The following SVOPL variants were observed in gnomAD, a reference collection of about 807,000 sequenced individuals.
SVOPL encodes putative transporter SVOPL.
In SVOPL, 60 loss-of-function variants were observed where a neutral mutation model predicts 61.0. That is an observed-to-expected ratio of 0.98 (90% CI 0.80 to 1.22). SVOPL has a LOEUF of 1.22. Among genes scored for constraint, SVOPL ranks in the 50% most tolerant of loss-of-function variants. SVOPL has a pLI of 0.00. For synonymous variants in SVOPL, 279 were observed against 250.0 expected, an observed-to-expected ratio of 1.12 and a Z score of -1.09; for missense variants, 662 against 643.9, an observed-to-expected ratio of 1.03 and a Z score of -0.30.
chr7:138,622,567 A>G (rs1799722061), intron 13 of SVOPL, among the ~76,000 whole-genome samples: 1 of 152,132 alleles, frequency 6.6e-6, no homozygotes, highest in African/African-American at 2.4e-5. Context: ...TCAGCCTCCC[A>G]AAGTGTGGGG....
intron 5 of SVOPL, chr7:138,662,391 GCCCCAA>G (rs1293487416): frequency 2.0e-6 from 2 of 985,272 alleles, no homozygotes; most frequent in African/African-American, 3.5e-5. Context: ...GAGTTTTCTT[GCCCCAA>G]AATTAAGGGA....
rs138174501 is a variant in SVOPL, at chr7:138,656,482, G to T, written c.500C>A (p.Thr167Lys). The T allele has an allele frequency of 3.1e-6, 5 of 1,613,828 alleles. No homozygotes were observed. Among genetic ancestry groups the T allele is most frequent in the Non-Finnish European group, 4.2e-6 (5 of 1,179,976 alleles). Reference sequence around the variant, plus strand: ...GGGTAACATATAGCCTCGGTATTTCGTGGGCAAAAATTCAGTCTTTATGAT... The same window carrying T: ...GGGTAACATATAGCCTCGGTATTTCTTGGGCAAAAATTCAGTCTTTATGAT... Reference protein sequence around the residue: ...GLIIKTEFLPTKYRGYMLPLS... With the variant: ...GLIIKTEFLPKKYRGYMLPLS... The change falls in exon 7 of 16, where the codon ACG becomes AAG. Residue 167 changes from threonine to lysine, a missense_variant. Physicochemically the swap from Thr to Lys is moderately conservative, Grantham distance 78. Coordinates refer to ENST00000674285, the MANE Select transcript of SVOPL (RefSeq NM_001139456.2).
At chr7:138,597,543 T>A (rs1798329093) in intron 14 of SVOPL, among the ~76,000 whole-genome samples, 1 of 150,240 alleles carries the variant, frequency 6.7e-6, no homozygotes, top group Non-Finnish European at 1.5e-5. Context: ...TCTCACTAAT[T>A]ATTTTGCAAT....
chr7:138,649,583 C>T (rs1381727580), intron 7 of SVOPL, among the ~76,000 whole-genome samples: 1 of 152,072 alleles, frequency 6.6e-6, no homozygotes, highest in African/African-American at 2.4e-5. Context: ...AGGTGTGAGC[C>T]GCTGAGCCTA....
At chr7:138,610,845 C>G (rs1275272730) in intron 14 of SVOPL, among the ~76,000 whole-genome samples, 1 of 152,204 alleles carries the variant, frequency 6.6e-6, no homozygotes, top group African/African-American at 2.4e-5. Flanking sequence ...CCCCAGGTTC[C>G]CAGCCTTGAC....
At chr7:138,692,964 C>T (rs567042493) in intron 1 of SVOPL, among the ~76,000 whole-genome samples, 1 of 152,200 alleles carries the variant, frequency 6.6e-6, no homozygotes, top group South Asian at 2.1e-4. Flanking sequence ...AATCAACATG[C>T]TAACTAAAGT....
chr7:138,609,489 CAAAAAAA>C (rs35516590), intron 14 of SVOPL, among the ~76,000 whole-genome samples: 13 of 48,336 alleles, frequency 2.7e-4, no homozygotes, highest in South Asian at 5.7e-4. Flanking sequence ...ACCACCTCTA[CAAAAAAA>C]AAAAAAAAAA....
At chr7:138,699,104 A>G (rs1803134327) in intron 1 of SVOPL, among the ~76,000 whole-genome samples, 1 of 152,160 alleles carries the variant, frequency 6.6e-6, no homozygotes, top group Admixed American at 6.6e-5. Flanking sequence ...GTGAGCTGAG[A>G]TCATGCCACT....
At position 138,659,823 on chromosome 7, in the gene SVOPL, T is replaced by G. The variant is rs149329033; in HGVS notation, c.470+41A>C. 3.8e-4 allele frequency: 578 copies of G among 1,541,132 alleles called. 1 individual carries two copies. In the African/African-American group the frequency reaches 6.8e-3, roughly 18 times the overall value. On this transcript the variant is annotated intron_variant, in intron 6 of 15. Transcript: ENST00000674285. ...GTGTGTGCATCAGGGCCTGCAGGGG[T>G]ACACGTTTCTGTCTCAGGGTCCCCT... is the stretch of plus-strand genomic sequence containing the variant.
chr7:138,608,703 CCT>C (rs1027493863), intron 14 of SVOPL, among the ~76,000 whole-genome samples: 64 of 151,980 alleles, frequency 4.2e-4, no homozygotes, highest in African/African-American at 1.4e-3. Context: ...CCCCCCTTGC[CCT>C]CTCAAAAAAG....
rs1012996939 is a variant in SVOPL at position 138,663,486 on chromosome 7, C to A, written c.274-341G>T. ...TTAAAATTGTCTGTTCATGCGCTGC[C>A]TTATACAGTACACAAATTGGGGCCA... is the stretch of plus-strand genomic sequence containing the variant. On this transcript the variant is annotated intron_variant, in intron 4 of 15. Transcript: ENST00000674285. 3.7e-6 allele frequency: 4 copies of A among 1,078,530 alleles called. No homozygotes were observed. In the East Asian group the frequency reaches 2.8e-4, roughly 74 times the overall value. 66.8% of individuals were successfully genotyped at this position (1,078,530 alleles called of 1,614,324 possible). A position where few individuals can be genotyped will look rare whatever the true frequency, so the allele number is the denominator to read the frequency against.
intron 1 of SVOPL, among the ~76,000 whole-genome samples, chr7:138,692,902 G>T (rs959581635): frequency 2.0e-5 from 3 of 152,146 alleles, no homozygotes; most frequent in African/African-American, 7.2e-5. Flanking sequence ...AAAGGTGAGA[G>T]TTGGAAGTCG....
intron 1 of SVOPL, among the ~76,000 whole-genome samples, chr7:138,679,927 G>C (rs1802662387): frequency 6.6e-6 from 1 of 152,086 alleles, no homozygotes. Context: ...CTGAGAAATG[G>C]AGAGACTAAA....
intron 14 of SVOPL, among the ~76,000 whole-genome samples, chr7:138,603,955 C>CTTTTTTTTTTTTTTTTTTTT (rs560678707): frequency 9.2e-6 from 1 of 109,254 alleles, no homozygotes; most frequent in Non-Finnish European, 1.9e-5. Flanking sequence ...TTAATTTATT[C>CTTTTTTTTTTTTTTTTTTTT]TTTTTTTTTT....
rs1439793 is a variant in SVOPL at position 138,594,483 on chromosome 7, A to T, written c.*127T>A. 479,764 of 679,050 alleles carry T rather than the reference A, an allele frequency of 0.71. 167,707 individuals are homozygous for T. Among genetic ancestry groups the T allele is most frequent in the African/African-American group, 0.86 (47,365 of 55,090 alleles). The allele number at this position is 679,050 out of a possible 1,614,324, so 42.1% of individuals were successfully genotyped here. A position where few individuals can be genotyped will look rare whatever the true frequency, so the allele number is the denominator to read the frequency against. On this transcript the variant is annotated 3_prime_UTR_variant, in exon 16 of 16. Transcript: ENST00000674285. ...CTACCCCATTCCCATATATGCCTTT[A>T]AAAAAAAAATCACTTTACTAATTAC... is the stretch of plus-strand genomic sequence containing the variant.
chr7:138,649,631 A>T (rs1168792551), intron 7 of SVOPL, among the ~76,000 whole-genome samples: 2 of 152,050 alleles, frequency 1.3e-5, no homozygotes. Flanking sequence ...GAACTCTGTT[A>T]CCAACAAAAA....
At position 138,594,361 on chromosome 7, in the gene SVOPL, C is replaced by G. The variant is rs947424059; in HGVS notation, c.*249G>C. ...AATGAAGAAAAGCCATCTTCCCCCC[C>G]ACCATCTCCCTCTCACACCCCTTTG... On this transcript the variant is annotated 3_prime_UTR_variant, in exon 16 of 16. Transcript: ENST00000674285. 2 of 297,086 alleles carry G rather than the reference C, an allele frequency of 6.7e-6. No individual in the cohort carries two copies. Among genetic ancestry groups the G allele is most frequent in the East Asian group, 5.3e-5 (1 of 18,776 alleles). 18.4% of individuals were successfully genotyped at this position (297,086 alleles called of 1,614,324 possible).
In SVOPL at chr7:138,654,961, C is replaced by T. The variant is rs558350732; in HGVS notation, c.534+1487G>A. ...ATCCCAGCACTTTAGGAGGCCAAGG[C>T]GGGCAGATTGCTTGAGCTTAGGAGT... On this transcript the variant is annotated intron_variant, in intron 7 of 15. Coordinates refer to ENST00000674285, the MANE Select transcript of SVOPL (RefSeq NM_001139456.2). Among the ~76,000 whole-genome samples the T allele has an allele frequency of 2.5e-4, 38 of 149,668 alleles. No homozygotes were observed. The South Asian group carries it at 6.8e-3, about 27-fold the overall frequency.
intron 9 of SVOPL, among the ~76,000 whole-genome samples, chr7:138,631,987 C>CACACACACACACAG (rs1563104589): frequency 1.3e-5 from 2 of 151,684 alleles, no homozygotes; most frequent in Non-Finnish European, 2.9e-5. Context: ...CACACACATA[C>CACACACACACACAG]ACACACCCCT....
Sources: allele counts gnomAD v4.1 joint callset (sites outside exome capture counted in the v4.1 genomes callset), GRCh38; gene constraint gnomAD v4.1.1; transcripts MANE v1.5; gene names NCBI Gene and HGNC (gene_info 2026-07-23, HGNC 2026-07-21).